CACNA2D1: variants seen among roughly 807,000 people sequenced by gnomAD.
The protein encoded by CACNA2D1 is voltage-dependent calcium channel subunit alpha-2/delta-1.
A neutral mutation model predicts 171.5 loss-of-function variants in CACNA2D1; 53 were observed. The ratio of observed to expected loss-of-function variants is 0.31; its 90% CI spans 0.25 to 0.39. The LOEUF is 0.39. Ranked by LOEUF, CACNA2D1 falls within the 10% of genes least tolerant of loss-of-function variation. The pLI, the probability that CACNA2D1 is intolerant of heterozygous loss-of-function variation, is 1.00. For synonymous variants in CACNA2D1, 442 were observed against 443.1 expected, an observed-to-expected ratio of 1.00 and a Z score of 0.03; for missense variants, 903 against 1,299.8, an observed-to-expected ratio of 0.69 and a Z score of 4.69.
intron 6 of CACNA2D1, among the ~76,000 whole-genome samples, chr7:82,114,605 A>C (rs184044802): frequency 1.6e-4 from 25 of 152,106 alleles, no homozygotes; most frequent in Non-Finnish European, 1.6e-4. Flanking sequence ...AAACAAAAAA[A>C]ATTAGCCGGG....
chr7:82,125,768 C>A (rs1438477471), intron 5 of CACNA2D1, among the ~76,000 whole-genome samples: 1 of 152,112 alleles, frequency 6.6e-6, no homozygotes, highest in Admixed American at 6.6e-5. Context: ...AAACAATCTT[C>A]CCCGTTTGTG....
rs1351055376 is a variant in CACNA2D1 at position 81,946,503 on chromosome 7, ACATTTTCT to A, written c.*3881_*3888del. 1 of 152,060 alleles carries A rather than the reference ACATTTTCT, an allele frequency of 6.6e-6. No homozygotes were observed. The highest frequency in any genetic ancestry group is 2.4e-5 in the African/African-American group (1 of 41,434). 9.4% of individuals were successfully genotyped at this position (152,060 alleles called of 1,614,324 possible). ...CTGTTTTTGCACAAGATTTAACACA[ACATTTTCT>A]GGGATTATAAATATTTTATAACAGT... On this transcript the variant is annotated 3_prime_UTR_variant, in exon 39 of 39. Transcript: ENST00000356860.
At chr7:82,187,774 CAG>C (rs913084355) in intron 3 of CACNA2D1, among the ~76,000 whole-genome samples, 5 of 152,158 alleles carry the variant, frequency 3.3e-5, no homozygotes, top group Non-Finnish European at 7.4e-5. Context: ...GCTACTGTAA[CAG>C]AAATACCATA....
intron 3 of CACNA2D1, among the ~76,000 whole-genome samples, chr7:82,313,000 A>G (rs936093474): frequency 3.9e-5 from 6 of 152,180 alleles, no homozygotes; most frequent in Admixed American, 6.5e-5. Context: ...GATCCATTTA[A>G]GTGCATCGTA....
chr7:82,000,322 C>T (rs1359195916), intron 18 of CACNA2D1, among the ~76,000 whole-genome samples: 3 of 151,872 alleles, frequency 2.0e-5, no homozygotes, highest in African/African-American at 7.3e-5. Context: ...CCCATCACTG[C>T]CAAATTAAAT....
At chr7:82,380,669 C>CT (rs1225038549) in intron 1 of CACNA2D1, among the ~76,000 whole-genome samples, 1 of 151,764 alleles carries the variant, frequency 6.6e-6, no homozygotes, top group Admixed American at 6.6e-5. Context: ...TTATAACCTC[C>CT]CAACTACTCA....
At chr7:81,988,978 T>G (rs1309674622) in intron 21 of CACNA2D1, among the ~76,000 whole-genome samples, 1 of 151,942 alleles carries the variant, frequency 6.6e-6, no homozygotes, top group African/African-American at 2.4e-5. Flanking sequence ...GGAGATAGAG[T>G]GTGGTGAAAC....
chr7:82,430,248 T>A (rs564409565), intron 1 of CACNA2D1, among the ~76,000 whole-genome samples: 2 of 151,994 alleles, frequency 1.3e-5, no homozygotes, highest in South Asian at 4.2e-4. Flanking sequence ...GAACCCCGTC[T>A]CTACTCAGAA....
At chr7:82,038,306 G>T in intron 10 of CACNA2D1, 71 bp from the exon 11 acceptor site, 1 of 1,344,410 alleles carries the variant, frequency 7.4e-7, no homozygotes, top group Non-Finnish European at 1.0e-6. Flanking sequence ...TAGAATTTGT[G>T]TTTGATACTC....
intron 6 of CACNA2D1, 79 bp downstream of exon 6, chr7:82,116,965 T>A: frequency 6.7e-7 from 1 of 1,495,130 alleles, no homozygotes; most frequent in East Asian, 2.3e-5. Context: ...TTTGCTCTTT[T>A]TTTTCCCCCT....
intron 5 of CACNA2D1, among the ~76,000 whole-genome samples, chr7:82,125,940 G>T (rs941194466): frequency 6.6e-6 from 1 of 151,964 alleles, no homozygotes; most frequent in East Asian, 1.9e-4. Flanking sequence ...ACACAAACAC[G>T]CTCCATTTGA....
At chr7:82,035,359 G>A (rs1768276220) in intron 11 of CACNA2D1, among the ~76,000 whole-genome samples, 1 of 150,170 alleles carries the variant, frequency 6.7e-6, no homozygotes, top group African/African-American at 2.4e-5. Context: ...AAAAAAACCA[G>A]AATGGCATTT....
intron 1 of CACNA2D1, among the ~76,000 whole-genome samples, chr7:82,369,142 A>T (rs1252767569): frequency 6.6e-6 from 1 of 152,160 alleles, no homozygotes; most frequent in Non-Finnish European, 1.5e-5. Context: ...AAATTTACAT[A>T]CAATTATCAA....
chr7:82,172,616 C>CTT (rs55737158), intron 3 of CACNA2D1, among the ~76,000 whole-genome samples: 27 of 64,500 alleles, frequency 4.2e-4, no homozygotes, highest in East Asian at 1.6e-3. Context: ...AGAAACCCGG[C>CTT]TTTTTTTTTT....
intron 4 of CACNA2D1, 103 bp downstream of exon 4, chr7:82,170,447 A>G (rs1002289668): frequency 9.3e-6 from 9 of 967,914 alleles, no homozygotes; most frequent in Non-Finnish European, 1.3e-5. Context: ...TAATCCCACA[A>G]CATCATAAGA....
At chr7:82,181,250 G>C (rs531496913) in intron 3 of CACNA2D1, among the ~76,000 whole-genome samples, 2 of 152,072 alleles carry the variant, frequency 1.3e-5, no homozygotes, top group Non-Finnish European at 2.9e-5. Context: ...GACACACCAT[G>C]TCTGGCTGAG....
intron 3 of CACNA2D1, among the ~76,000 whole-genome samples, chr7:82,322,451 CAAAA>C (rs11440104): frequency 0.065 from 6,757 of 103,894 alleles, 156 homozygotes; most frequent in Middle Eastern, 0.074. Flanking sequence ...CCTGGCTTTA[CAAAA>C]AAAAAAAAAA....
chr7:81,982,819 T>C (rs1338118425), intron 23 of CACNA2D1, 192 bp from the exon 24 acceptor site: 9 of 653,672 alleles, frequency 1.4e-5, no homozygotes, highest in East Asian at 2.8e-5. Flanking sequence ...AATTATAACA[T>C]GGATTAACTT....
chr7:82,199,359 C>T (rs759799307), intron 3 of CACNA2D1, among the ~76,000 whole-genome samples: 12 of 151,956 alleles, frequency 7.9e-5, no homozygotes, highest in African/African-American at 1.7e-4. Flanking sequence ...TTTATTACAA[C>T]GAATGTTAAC....
Sources: allele counts gnomAD v4.1 joint callset (sites outside exome capture counted in the v4.1 genomes callset), GRCh38; gene constraint gnomAD v4.1.1; transcripts MANE v1.5; gene names NCBI Gene and HGNC (gene_info 2026-07-23, HGNC 2026-07-21).